Variants in DSCAM observed in about 807,000 individuals in gnomAD.
The protein encoded by DSCAM is cell adhesion molecule DSCAM.
A neutral mutation model predicts 217.7 loss-of-function variants in DSCAM; 47 were observed. The ratio of observed to expected loss-of-function variants is 0.22; its 90% CI spans 0.17 to 0.28. DSCAM has a LOEUF of 0.28. DSCAM is among the 10% of genes least tolerant of loss of function. The probability of loss-of-function intolerance (pLI) is 1.00; values close to 1 mark genes in which losing one functional copy is unlikely to be tolerated. For synonymous variants in DSCAM, 1,056 were observed against 1,015.3 expected (o/e 1.04, Z -0.76); for missense variants, 2,080 against 2,618.3 (o/e 0.79, Z 4.49).
At chr21:40,760,575 T>C (rs1359411300) in intron 1 of DSCAM, among the ~76,000 whole-genome samples, 1 of 152,226 alleles carries the variant, frequency 6.6e-6, no homozygotes, top group African/African-American at 2.4e-5. Flanking sequence ...CAAGCATTCA[T>C]AGCCACCAGC....
intron 11 of DSCAM, among the ~76,000 whole-genome samples, chr21:40,232,177 C>T (rs774108023): frequency 5.9e-5 from 9 of 152,142 alleles, no homozygotes; most frequent in Non-Finnish European, 1.2e-4. Flanking sequence ...TGACGTCACT[C>T]ATTATGCACT....
chr21:40,068,350 C>CT (rs1468169201), intron 27 of DSCAM, among the ~76,000 whole-genome samples: 1 of 151,980 alleles, frequency 6.6e-6, no homozygotes, highest in Non-Finnish European at 1.5e-5. Context: ...ACAGAATACT[C>CT]TCAAGTATTC....
At chr21:40,697,445 T>C (rs923299111) in intron 2 of DSCAM, among the ~76,000 whole-genome samples, 2 of 152,204 alleles carry the variant, frequency 1.3e-5, no homozygotes, top group Non-Finnish European at 1.5e-5. Flanking sequence ...TAGTGTTTTC[T>C]TTCAGTAATT....
rs1255692950 is a variant in DSCAM at position 40,114,969 on chromosome 21, CT to C, written c.3696+9225del. 7.9e-5 allele frequency among the ~76,000 whole-genome samples: 12 copies of C among 152,320 alleles called. No homozygotes were observed. In the South Asian group the frequency reaches 2.5e-3, roughly 32 times the overall value. ...GAACACTTTTACACTGTTGGTGGGA[CT>C]GTAAACTAGTTCAACCATTGTGGAA... On this transcript the variant is annotated intron_variant, in intron 20 of 32. Transcript: ENST00000400454.
At chr21:40,619,343 TTGA>T (rs1326310934) in intron 3 of DSCAM, among the ~76,000 whole-genome samples, 6 of 152,212 alleles carry the variant, frequency 3.9e-5, no homozygotes, top group Non-Finnish European at 8.8e-5. Flanking sequence ...TGGAATATTT[TTGA>T]TGATTACATT....
intron 3 of DSCAM, among the ~76,000 whole-genome samples, chr21:40,594,798 T>C (rs456051): frequency 0.33 from 50,559 of 152,088 alleles, 8,618 homozygotes; most frequent in South Asian, 0.46. Context: ...ATTGTGTTTT[T>C]GGTGTTACTC....
At position 40,467,995 on chromosome 21, in the gene DSCAM, G is replaced by C. The variant is rs149623621; in HGVS notation, c.509-98750C>G. On this transcript the variant is annotated intron_variant, in intron 3 of 32. Coordinates refer to ENST00000400454, the MANE Select transcript of DSCAM (RefSeq NM_001389.5). The stretch of plus-strand genomic sequence containing the variant: ...ATTTGCCCACTAGGAAATTCCTTGC[G>C]GGCCCCAAGATCTTTACCCTAAAAT... Among the ~76,000 whole-genome samples the C allele has an allele frequency of 1.1e-4, 17 of 149,948 alleles. No homozygotes were observed. In the East Asian group the frequency reaches 2.7e-3, roughly 24 times the overall value.
At chr21:40,694,229 G>A (rs1405667076) in intron 2 of DSCAM, among the ~76,000 whole-genome samples, 1 of 152,168 alleles carries the variant, frequency 6.6e-6, no homozygotes, top group Non-Finnish European at 1.5e-5. Context: ...GGGCATTGTG[G>A]TGGGAACCTC....
In DSCAM at chr21:40,141,330, C is replaced by G. The variant is rs140283141; in HGVS notation, c.3406+1228G>C. ...CCAGTCAGAGGGGTTGAAAGAAGCC[C>G]CAGGCTGGGCGTGGTGGGTCACGCC... On this transcript the variant is annotated intron_variant, in intron 18 of 32. Transcript: ENST00000400454. Among the ~76,000 whole-genome samples, 335 of 152,262 alleles carry G rather than the reference C, an allele frequency of 2.2e-3. 4 individuals are homozygous for G. Among genetic ancestry groups the G allele is most frequent in the African/African-American group, 7.7e-3 (320 of 41,550 alleles).
chr21:40,649,621 T>C (rs775922454), intron 3 of DSCAM, among the ~76,000 whole-genome samples: 1 of 148,290 alleles, frequency 6.7e-6, no homozygotes, highest in Non-Finnish European at 1.5e-5. Context: ...ACACAAACAA[T>C]AATATGCAGG....
At chr21:40,188,970 G>C in intron 12 of DSCAM, 72 bp downstream of exon 12, 9 of 1,480,924 alleles carry the variant, frequency 6.1e-6, no homozygotes, top group Non-Finnish European at 8.4e-6. Context: ...ATCTGCACCC[G>C]CTTCTGTGAA....
chr21:40,343,892 T>C (rs972381447), intron 6 of DSCAM, among the ~76,000 whole-genome samples: 3 of 150,892 alleles, frequency 2.0e-5, no homozygotes, highest in African/African-American at 7.3e-5. Context: ...TTTTATTTCA[T>C]TTTATTTATT....
intron 3 of DSCAM, among the ~76,000 whole-genome samples, chr21:40,688,389 G>GT (rs1379101805): frequency 2.0e-5 from 3 of 152,220 alleles, no homozygotes; most frequent in South Asian, 2.1e-4. Flanking sequence ...CGGTGTTATT[G>GT]TTTTTTTCCA....
At chr21:40,819,922 C>T (rs926343761) in intron 1 of DSCAM, among the ~76,000 whole-genome samples, 5 of 152,206 alleles carry the variant, frequency 3.3e-5, no homozygotes, top group Middle Eastern at 3.4e-3. Flanking sequence ...GCTCTAGGGC[C>T]TTAATTCCCA....
In DSCAM at chr21:40,535,072, C is replaced by A. The variant is rs115855694; in HGVS notation, c.508+157738G>T. 9.5e-3 allele frequency among the ~76,000 whole-genome samples: 1,447 copies of A among 152,276 alleles called. 31 individuals are homozygous for A. Among genetic ancestry groups the A allele is most frequent in the African/African-American group, 0.032 (1,334 of 41,560 alleles). ...GATACCAAGTCACTAGGTTTTCATG[C>A]TGGCTGGCCACCTGCTCCCTATCTG... On this transcript the variant is annotated intron_variant, in intron 3 of 32. Coordinates refer to ENST00000400454, the MANE Select transcript of DSCAM (RefSeq NM_001389.5).
chr21:40,576,116 C>T (rs2146211928), intron 3 of DSCAM, among the ~76,000 whole-genome samples: 1 of 152,202 alleles, frequency 6.6e-6, no homozygotes, highest in Middle Eastern at 3.4e-3. Flanking sequence ...AAGAGAAATC[C>T]TAACATATGT....
intron 3 of DSCAM, among the ~76,000 whole-genome samples, chr21:40,560,242 T>G (rs1010611511): frequency 1.3e-5 from 2 of 152,230 alleles, no homozygotes; most frequent in African/African-American, 4.8e-5. Flanking sequence ...GCTCTTCTGT[T>G]GCTCCAGGAA....
chr21:40,433,190 C>T (rs1482012635), intron 3 of DSCAM, among the ~76,000 whole-genome samples: 1 of 151,658 alleles, frequency 6.6e-6, no homozygotes, highest in Admixed American at 6.6e-5. Flanking sequence ...AACCCTGTCT[C>T]TACTAAAAAT....
intron 3 of DSCAM, among the ~76,000 whole-genome samples, chr21:40,511,827 T>C (rs2076259706): frequency 6.6e-6 from 1 of 151,074 alleles, no homozygotes; most frequent in Non-Finnish European, 1.5e-5. Flanking sequence ...CCGTCTCTAT[T>C]AAAAATACAA....
Sources: allele counts gnomAD v4.1 joint callset (sites outside exome capture counted in the v4.1 genomes callset), GRCh38; gene constraint gnomAD v4.1.1; transcripts MANE v1.5; gene names NCBI Gene and HGNC (gene_info 2026-07-23, HGNC 2026-07-21).